Variants in NUMB observed in about 807,000 individuals in gnomAD.
The protein encoded by NUMB is NUMB endocytic adaptor protein, also known as protein numb homolog.
NUMB carries 29 observed loss-of-function variants against 59.7 expected under a neutral mutation model. The observed-to-expected ratio is 0.49, with a 90% confidence interval of 0.36 to 0.66. The LOEUF (loss-of-function observed/expected upper bound fraction) is 0.66. Among genes scored for constraint, NUMB ranks in the 30% least tolerant of loss-of-function variants. The pLI, the probability that NUMB is intolerant of heterozygous loss-of-function variation, is 0.00. For synonymous variants in NUMB, 288 were observed against 288.2 expected (o/e 1.00, Z 0.01); for missense variants, 723 against 822.0 (o/e 0.88, Z 1.47).
intron 2 of NUMB, among the ~76,000 whole-genome samples, chr14:73,375,261 G>C (rs1894895052): frequency 1.3e-5 from 2 of 152,146 alleles, no homozygotes; most frequent in South Asian, 4.1e-4. Context: ...AATAATCACA[G>C]ATAACATTTC....
At chr14:73,312,171 A>C (rs777346350) in intron 6 of NUMB, among the ~76,000 whole-genome samples, 7 of 152,200 alleles carry the variant, frequency 4.6e-5, no homozygotes, top group Non-Finnish European at 4.4e-5. Context: ...AGGCAGGCTG[A>C]TCACTTGAGG....
chr14:73,372,311 A>ATATATATATATATATATATATAACCT (rs1555375681), intron 2 of NUMB, among the ~76,000 whole-genome samples: 1 of 93,714 alleles, frequency 1.1e-5, no homozygotes, highest in African/African-American at 5.2e-5. Context: ...TCTTTTATAT[A>ATATATATATATATATATATATAACCT]TATATATATA....
intron 1 of NUMB, among the ~76,000 whole-genome samples, chr14:73,441,605 T>C (rs548829401): frequency 4.6e-4 from 70 of 152,114 alleles, no homozygotes; most frequent in African/African-American, 1.6e-3. Flanking sequence ...CAGCCTGAGC[T>C]GTGACTCACA....
rs74677402 is a variant in NUMB at position 73,394,405 on chromosome 14, T to TAAA, written c.-101+15529_-101+15531dup. Among the ~76,000 whole-genome samples, 233 of 137,410 alleles carry TAAA rather than the reference T, an allele frequency of 1.7e-3. 2 individuals carry two copies. Among genetic ancestry groups the TAAA allele is most frequent in the East Asian group, 0.012 (58 of 4,664 alleles). 90.1% of individuals were successfully genotyped at this position (137,410 alleles called of 152,430 possible). On this transcript the variant is annotated intron_variant, in intron 2 of 12. Transcript: ENST00000555238. ...GATTTATTGTCTTTGCAGTTTTCTT[T>TAAA]AAAAAAAAAAAAAAAAAAGAGAGAG...
chr14:73,387,107 C>T (rs1176552790), intron 2 of NUMB, among the ~76,000 whole-genome samples: 1 of 151,564 alleles, frequency 6.6e-6, no homozygotes, highest in Non-Finnish European at 1.5e-5. Flanking sequence ...TGGTCTCGAT[C>T]TCCTGACCTC....
intron 2 of NUMB, among the ~76,000 whole-genome samples, chr14:73,384,829 C>T (rs574691065): frequency 2.5e-4 from 38 of 151,732 alleles, no homozygotes; most frequent in Non-Finnish European, 3.5e-4. Flanking sequence ...CCTCCTGCCT[C>T]GGCCTCCCAA....
chr14:73,425,796 CTAATTT>C (rs1428234882), intron 1 of NUMB, among the ~76,000 whole-genome samples: 2 of 150,038 alleles, frequency 1.3e-5, no homozygotes, highest in South Asian at 2.1e-4. Flanking sequence ...GGCTATAATT[CTAATTT>C]TATTTAATTT....
At chr14:73,356,464 A>G (rs962360910) in intron 3 of NUMB, among the ~76,000 whole-genome samples, 2 of 152,002 alleles carry the variant, frequency 1.3e-5, no homozygotes. Context: ...CCAACATGGC[A>G]AAACCCCGCC....
At position 73,425,404 on chromosome 14, in the gene NUMB, G is replaced by A. The variant is rs912941465; in HGVS notation, c.-232-15336C>T. 6.6e-5 allele frequency among the ~76,000 whole-genome samples: 10 copies of A among 152,014 alleles called. 1 individual carries two copies. The Middle Eastern group carries it at 0.02, about 310-fold the overall frequency. On this transcript the variant is annotated intron_variant, in intron 1 of 12. Transcript: ENST00000555238. The stretch of plus-strand genomic sequence containing the variant: ...TTTAACAAATAGAAATAGGGGTCTC[G>A]CTATGTTGCCCAGGCTGGTTTTGAA...
intron 2 of NUMB, among the ~76,000 whole-genome samples, chr14:73,392,900 T>C (rs1269508222): frequency 6.6e-6 from 1 of 152,066 alleles, no homozygotes; most frequent in African/African-American, 2.4e-5. Flanking sequence ...GGGGATTTTT[T>C]TCTGGGCGGG....
intron 4 of NUMB, among the ~76,000 whole-genome samples, chr14:73,325,888 G>C (rs1298706206): frequency 6.6e-6 from 1 of 152,144 alleles, no homozygotes; most frequent in African/African-American, 2.4e-5. Flanking sequence ...CTAAGGCAGG[G>C]GGAACTGCCT....
At chr14:73,443,054 G>A (rs977320374) in intron 1 of NUMB, among the ~76,000 whole-genome samples, 2 of 152,012 alleles carry the variant, frequency 1.3e-5, no homozygotes, top group African/African-American at 4.8e-5. Flanking sequence ...TAGAGATGGA[G>A]TTTCACCATG....
At chr14:73,398,058 A>G (rs1366502541) in intron 2 of NUMB, among the ~76,000 whole-genome samples, 1 of 152,174 alleles carries the variant, frequency 6.6e-6, no homozygotes, top group Non-Finnish European at 1.5e-5. Flanking sequence ...ATAGCCTAAG[A>G]CAGCCTGCAA....
At chr14:73,367,270 A>T (rs1894384585) in intron 2 of NUMB, among the ~76,000 whole-genome samples, 1 of 144,628 alleles carries the variant, frequency 6.9e-6, no homozygotes, top group African/African-American at 2.7e-5. Context: ...CAATCTTTGA[A>T]ATAAAATACT....
In NUMB at chr14:73,276,945, GTGATGCCCACCACAGGCACAT is replaced by G. The variant is rs766338987; in HGVS notation, c.1568_1588del (p.Asn523_Ile529del). 3 of 1,614,060 alleles carry G rather than the reference GTGATGCCCACCACAGGCACAT, an allele frequency of 1.9e-6. No homozygotes were observed. The highest frequency in any genetic ancestry group is 1.7e-6 in the Non-Finnish European group (2 of 1,180,046). ...TACGTTGGCCACCATCTGGGAGGGA[GTGATGCCCACCACAGGCACAT>G]TAGGGGCTGGATAGGGCATTCCATT... is the stretch of plus-strand genomic sequence containing the variant. On this transcript the variant is annotated inframe_deletion, in exon 13 of 13. Coordinates refer to ENST00000555238, the MANE Select transcript of NUMB (RefSeq NM_001005743.2).
chr14:73,396,293 AATCT>A (rs913920728), intron 2 of NUMB, among the ~76,000 whole-genome samples: 6 of 150,154 alleles, frequency 4.0e-5, no homozygotes, highest in Non-Finnish European at 7.4e-5. Flanking sequence ...CCATCTATCT[AATCT>A]ATCTATTTAC....
Position 73,287,308 on chromosome 14 carries a change from T to G in NUMB, c.457A>C (p.Arg153=). The change falls in exon 9 of 13, where the codon AGG becomes CGG. Residue 153 remains arginine, a synonymous_variant. Coordinates refer to ENST00000555238, the MANE Select transcript of NUMB (RefSeq NM_001005743.2). ...GCACAGCCTACTGCATGGCTCAACC[T>G]TTCACCCTGTAAGAGCAGATTTTAA... ...CFMAVKDTGE[R]LSHAVGCAFA... is the part of the protein sequence containing the mutation. 6.2e-7 allele frequency: 1 copy of G among 1,610,508 alleles called. No homozygotes were observed.
rs544763735 is a variant in NUMB at position 73,282,408 on chromosome 14, C to G, written c.1047G>C (p.Pro349=). 3.1e-6 allele frequency: 5 copies of G among 1,614,048 alleles called. No homozygotes were observed. Among genetic ancestry groups the G allele is most frequent in the East Asian group, 2.2e-5 (1 of 44,896 alleles). ...CCACCACTGTCACTGGTTTGGTCAT[C>G]GGAGCAGATGAGAAGGGGTCCTCAG... The part of the protein sequence containing the change: ...STPEDPFSSA[P]MTKPVTVVAP... Residue 349 remains proline, a synonymous_variant, in exon 11 of 13, where the codon CCG becomes CCC. Coordinates refer to ENST00000555238, the MANE Select transcript of NUMB (RefSeq NM_001005743.2).
intron 1 of NUMB, among the ~76,000 whole-genome samples, chr14:73,456,276 AT>A (rs1232432391): frequency 2.0e-5 from 3 of 151,846 alleles, no homozygotes; most frequent in African/African-American, 7.2e-5. Flanking sequence ...CGCCCAGCTA[AT>A]TTTGTATTTT....
Sources: allele counts gnomAD v4.1 joint callset (sites outside exome capture counted in the v4.1 genomes callset), GRCh38; gene constraint gnomAD v4.1.1; transcripts MANE v1.5; gene names NCBI Gene and HGNC (gene_info 2026-07-23, HGNC 2026-07-21).